TAF8: variants seen among roughly 807,000 people sequenced by gnomAD.
TAF8 encodes transcription initiation factor TFIID subunit 8.
In TAF8, 47 loss-of-function variants were observed where a neutral mutation model predicts 36.5. That is an observed-to-expected ratio of 1.29 (90% confidence interval 1.02 to 1.64). TAF8 has a LOEUF of 1.64. Ranked by LOEUF, TAF8 falls within the 40% of genes most tolerant of loss-of-function variation. The pLI is 0.00. For missense variants in TAF8, 420 were observed against 407.6 expected, an observed-to-expected ratio of 1.03 and a Z score of -0.26; for synonymous variants, 175 against 159.5, an observed-to-expected ratio of 1.10 and a Z score of -0.73.
At chr6:42,067,466 C>T (rs182523136) in intron 6 of TAF8, among the ~76,000 whole-genome samples, 1 of 152,244 alleles carries the variant, frequency 6.6e-6, no homozygotes, top group African/African-American at 2.4e-5. Context: ...CTGCCTGCCT[C>T]AGCCTCCCAA....
intron 7 of TAF8, among the ~76,000 whole-genome samples, chr6:42,072,242 G>T (rs907948352): frequency 1.1e-4 from 17 of 152,162 alleles, no homozygotes; most frequent in Admixed American, 1.0e-3. Flanking sequence ...ATGCCCTTCT[G>T]TGAAAAATAA....
chr6:42,051,731 C>T (rs1044316008), intron 2 of TAF8: 3 of 348,612 alleles, frequency 8.6e-6, no homozygotes, highest in Admixed American at 4.5e-5. Flanking sequence ...GAGGCTGAGG[C>T]GGGTGGATCA....
Position 42,080,544 on chromosome 6 carries a change from T to C in TAF8, c.*2999T>C. 4.1e-6 allele frequency: 2 copies of C among 485,290 alleles called. No individual in the cohort carries two copies. The highest frequency in any genetic ancestry group is 5.4e-6 in the Non-Finnish European group (2 of 373,230). 30.1% of individuals were successfully genotyped at this position (485,290 alleles called of 1,614,324 possible). A position where few individuals can be genotyped will look rare whatever the true frequency, so the allele number is the denominator to read the frequency against. On this transcript the variant is annotated 3_prime_UTR_variant, in exon 9 of 9. Transcript: ENST00000372977. ...CCTACCACAATTCTCGGCTAATTTT[T>C]TTTGTATTTTTGGTAGAGACGGGGT...
In TAF8 at chr6:42,077,189, C is replaced by T. The variant is rs752341577; in HGVS notation, c.870C>T (p.Ile290=). The change falls in exon 8 of 9, where the codon ATC becomes ATT. Residue 290 remains isoleucine (I), a synonymous_variant. Coordinates refer to ENST00000372977, the MANE Select transcript of TAF8 (RefSeq NM_138572.3). Reference sequence around the variant, plus strand: ...GCCGGAATGGGGAGGAGAACATCATCGATAACCCTTATCTGCGGCCGGTGA... The same window carrying T: ...GCCGGAATGGGGAGGAGAACATCATTGATAACCCTTATCTGCGGCCGGTGA... ...SGSRNGEENI[I]DNPYLRPVKK... is the part of the protein sequence containing the mutation. 130 of 1,614,032 alleles carry T rather than the reference C, an allele frequency of 8.1e-5. No individual in the cohort carries two copies. Among genetic ancestry groups the T allele is most frequent in the Non-Finnish European group, 1.0e-4 (118 of 1,180,006 alleles).
At position 42,079,540 on chromosome 6, in the gene TAF8, G is replaced by A; in HGVS notation, c.*1995G>A. ...TCCTAACGTCCATATTTAGCTTCAT[G>A]TATTCCCCTTTGGCTTCCACAGTTC... On this transcript the variant is annotated 3_prime_UTR_variant, in exon 9 of 9. Transcript: ENST00000372977. 1 of 985,204 alleles carries A rather than the reference G, an allele frequency of 1.0e-6. No homozygotes were observed. The highest frequency in any genetic ancestry group is 1.2e-6 in the Non-Finnish European group (1 of 829,898). 61.0% of individuals were successfully genotyped at this position (985,204 alleles called of 1,614,324 possible).
Position 42,081,012 on chromosome 6 carries a change from T to G in TAF8, c.*3467T>G. 1 of 980,226 alleles carries G rather than the reference T, an allele frequency of 1.0e-6. No homozygotes were observed. The highest frequency in any genetic ancestry group is 1.2e-6 in the Non-Finnish European group (1 of 825,170). 60.7% of individuals were successfully genotyped at this position (980,226 alleles called of 1,614,324 possible). A position where few individuals can be genotyped will look rare whatever the true frequency, so the allele number is the denominator to read the frequency against. ...GGCCTAAGCACACCTGGGAACTTAGTAAAACTTTTATTTTGGAAATTTTCA... is the reference window on the plus strand; with the variant it reads ...GGCCTAAGCACACCTGGGAACTTAGGAAAACTTTTATTTTGGAAATTTTCA... On this transcript the variant is annotated 3_prime_UTR_variant, in exon 9 of 9. Transcript: ENST00000372977.
In TAF8 at chr6:42,077,626, G is replaced by T; in HGVS notation, c.*81G>T. 1 of 1,580,448 alleles carries T rather than the reference G, an allele frequency of 6.3e-7. No individual in the cohort carries two copies. Among genetic ancestry groups the T allele is most frequent in the East Asian group, 2.3e-5 (1 of 43,450 alleles). On this transcript the variant is annotated 3_prime_UTR_variant, in exon 9 of 9. Transcript: ENST00000372977. ...TAAAGCCACTCAAGGGAAGAAGAGG[G>T]TGACCTCCTCATGGCCAAGCCGAGG...
intron 5 of TAF8, among the ~76,000 whole-genome samples, chr6:42,062,687 GCCA>G (rs1372679882): frequency 6.6e-6 from 1 of 151,178 alleles, no homozygotes; most frequent in Non-Finnish European, 1.5e-5. Flanking sequence ...ACAAGCGCCT[GCCA>G]CCAAGCCTGG....
Position 42,078,347 on chromosome 6 carries a change from CTG to C in TAF8, c.*804_*805del, listed in dbSNP as rs146859462. On this transcript the variant is annotated 3_prime_UTR_variant, in exon 9 of 9. Transcript: ENST00000372977. ...GCTGCTGTGCTTATTACAAGGAAGA[CTG>C]TTTGTCCAGCGTGTATTTCAGGATA... 79,972 of 985,240 alleles carry C rather than the reference CTG, an allele frequency of 0.081. 3,423 individuals carry two copies. The highest frequency in any genetic ancestry group is 0.11 in the Middle Eastern group (217 of 1,914). 61.0% of individuals were successfully genotyped at this position (985,240 alleles called of 1,614,324 possible).
At chr6:42,057,298 T>C in intron 4 of TAF8, 91 bp from the exon 5 acceptor site, 1 of 1,576,590 alleles carries the variant, frequency 6.3e-7, no homozygotes, top group Non-Finnish European at 8.6e-7. Flanking sequence ...GTCTGGCATT[T>C]TTTTGAGAAA....
intron 5 of TAF8, among the ~76,000 whole-genome samples, chr6:42,059,710 C>T (rs1488377569): frequency 6.6e-6 from 1 of 152,202 alleles, no homozygotes; most frequent in African/African-American, 2.4e-5. Flanking sequence ...AAACTCTAAA[C>T]TAAGTTTCTC....
chr6:42,077,139 C>T lies in TAF8; in HGVS notation c.820C>T (p.Gln274Ter), dbSNP rs1318715318. The T allele has an allele frequency of 8.1e-6, 13 of 1,614,056 alleles. No homozygotes were observed. The highest frequency in any genetic ancestry group is 2.7e-5 in the African/African-American group (2 of 74,922). Residue 274 changes from glutamine (Q) to a stop codon, truncating the protein, a stop_gained, in exon 8 of 9, where the codon CAG becomes TAG. Coordinates refer to ENST00000372977, the MANE Select transcript of TAF8 (RefSeq NM_138572.3). LOFTEE classifies it high-confidence loss of function. ...GAEKENTSVL[Q>*]QNPSLSGSRN... ...CGAGAAGGAGAACACCTCTGTCCTG[C>T]AGCAGAACCCCTCCTTGTCGGGTAG... is the stretch of plus-strand genomic sequence containing the variant.
intron 5 of TAF8, 151 bp downstream of exon 5, chr6:42,057,664 A>G (rs1134218): frequency 0.39 from 407,354 of 1,057,840 alleles, 80,409 homozygotes; most frequent in African/African-American, 0.45. Flanking sequence ...TCACACCTGT[A>G]ATCCCAGCAT....
At chr6:42,065,151 G>A (rs1765318155) in intron 5 of TAF8, among the ~76,000 whole-genome samples, 1 of 151,862 alleles carries the variant, frequency 6.6e-6, no homozygotes, top group South Asian at 2.1e-4. Context: ...TTCGAGACCA[G>A]CCTGGCCAAC....
rs776818300 is a variant in TAF8 at position 42,079,687 on chromosome 6, T to TA, written c.*2143dup. On this transcript the variant is annotated 3_prime_UTR_variant, in exon 9 of 9. Coordinates refer to ENST00000372977, the MANE Select transcript of TAF8 (RefSeq NM_138572.3). ...AAGCAATTCTCAGAGTAGCTGGGAT[T>TA]ACAGATGCCCGCCACCACATCTGGC... The TA allele has an allele frequency of 1.4e-6, 1 of 712,980 alleles. No individual in the cohort carries two copies. Among genetic ancestry groups the TA allele is most frequent in the Non-Finnish European group, 1.7e-6 (1 of 581,994 alleles). The allele number at this position is 712,980 out of a possible 1,614,324, so 44.2% of individuals were successfully genotyped here.
At chr6:42,087,088 G>A (rs184475547), downstream of TAF8, 183 of 362,122 alleles carry the variant, frequency 5.1e-4, no homozygotes, top group Admixed American at 3.8e-3. Flanking sequence ...GCCTTCCTCT[G>A]GCTTCACAGA....
At chr6:42,069,000 A>G (rs1168441014) in intron 7 of TAF8, among the ~76,000 whole-genome samples, 1 of 152,090 alleles carries the variant, frequency 6.6e-6, no homozygotes, top group Non-Finnish European at 1.5e-5. Flanking sequence ...GGAAGGGAAC[A>G]AGGCATGGAC....
At position 42,080,046 on chromosome 6, in the gene TAF8, G is replaced by A; in HGVS notation, c.*2501G>A. The A allele has an allele frequency of 1.0e-6, 1 of 985,246 alleles. No homozygotes were observed. Among genetic ancestry groups the A allele is most frequent in the Non-Finnish European group, 1.2e-6 (1 of 829,906 alleles). The allele number at this position is 985,246 out of a possible 1,614,324, so 61.0% of individuals were successfully genotyped here. ...ACTGGACTAAATAGGAGTTTTTCAG[G>A]TTTGTAGTAACGTGAAACTCTCCTA... On this transcript the variant is annotated 3_prime_UTR_variant, in exon 9 of 9. Transcript: ENST00000372977.
At chr6:42,050,754 G>A in intron 1 of TAF8, 168 bp downstream of exon 1, 2 of 1,002,898 alleles carry the variant, frequency 2.0e-6, no homozygotes, top group Non-Finnish European at 2.8e-6. Flanking sequence ...CTTGGCTGCG[G>A]CCTCCGGAGT....
Sources: gnomAD v4.1 joint callset for allele counts (sites outside exome capture counted in the v4.1 genomes callset) on GRCh38, gnomAD v4.1.1 for gene constraint, MANE v1.5 for transcripts, NCBI Gene and HGNC (gene_info 2026-07-23, HGNC 2026-07-21) for gene names.